The following MICU2 variants were observed in gnomAD, a reference collection of about 807,000 sequenced individuals.
MICU2 encodes the protein calcium uptake protein 2, mitochondrial.
In MICU2, 64 loss-of-function variants were observed where a neutral mutation model predicts 60.4. That is an observed-to-expected ratio of 1.06 (90% confidence interval 0.87 to 1.31). MICU2 has a LOEUF of 1.31. Among genes scored for constraint, MICU2 ranks in the 50% most tolerant of loss-of-function variants. MICU2 has a pLI of 0.00. For synonymous variants in MICU2, 201 were observed against 175.0 expected (o/e 1.15, Z -1.17); for missense variants, 569 against 531.0 (o/e 1.07, Z -0.70).
At chr13:21,601,376 A>G (rs1352841264) in intron 1 of MICU2, among the ~76,000 whole-genome samples, 1 of 152,200 alleles carries the variant, frequency 6.6e-6, no homozygotes, top group African/African-American at 2.4e-5. Flanking sequence ...TGCTGAAAGG[A>G]ATGTCCACCG....
intron 4 of MICU2, among the ~76,000 whole-genome samples, chr13:21,537,063 C>CT (rs1887146912): frequency 6.6e-6 from 1 of 152,158 alleles, no homozygotes; most frequent in Non-Finnish European, 1.5e-5. Context: ...TCTCTCTAGG[C>CT]TTTTTTCTAT....
chr13:21,527,047 C>CT (rs1566148145), intron 4 of MICU2, among the ~76,000 whole-genome samples: 1 of 152,118 alleles, frequency 6.6e-6, no homozygotes, highest in African/African-American at 2.4e-5. Flanking sequence ...CAATGGCTTC[C>CT]TTTTTTTGAA....
chr13:21,579,206 T>C (rs1888291093), intron 1 of MICU2, among the ~76,000 whole-genome samples: 1 of 152,172 alleles, frequency 6.6e-6, no homozygotes, highest in Admixed American at 6.5e-5. Flanking sequence ...ATACATGCAA[T>C]TCATATTTCT....
Position 21,566,912 on chromosome 13 carries a change from C to T in MICU2, c.243G>A (p.Gly81=), listed in dbSNP as rs758822979. The T allele has an allele frequency of 1.1e-5, 17 of 1,602,996 alleles. No individual in the cohort carries two copies. The highest frequency in any genetic ancestry group is 1.4e-5 in the Non-Finnish European group (17 of 1,177,304). Residue 81 remains glycine, a synonymous_variant, in exon 2 of 12, where the codon GGG becomes GGA. Coordinates refer to ENST00000382374, the MANE Select transcript of MICU2 (RefSeq NM_152726.3). ...KNVEHGIIYI[G]KPSLRKQRFM... ...AGCGCTGCTTACGAAGAGACGGTTT[C>T]CCAATATATATTATTCCATGTTCAA...
At chr13:21,504,566 T>A (rs1886249606) in intron 8 of MICU2, among the ~76,000 whole-genome samples, 1 of 152,228 alleles carries the variant, frequency 6.6e-6, no homozygotes. Flanking sequence ...TATCTTGTTA[T>A]AACATGAAAC....
intron 2 of MICU2, among the ~76,000 whole-genome samples, chr13:21,563,944 A>G (rs1169798495): frequency 6.6e-6 from 1 of 152,066 alleles, no homozygotes; most frequent in Non-Finnish European, 1.5e-5. Flanking sequence ...CTAGGACTAC[A>G]GGTGTGTGCC....
rs563490750 is a variant in MICU2 at position 21,528,964 on chromosome 13, T to C, written c.467-6314A>G. Among the ~76,000 whole-genome samples the C allele has an allele frequency of 3.8e-4, 57 of 151,856 alleles. 1 individual carries two copies. In the South Asian group the frequency reaches 0.012, roughly 32 times the overall value. ...AAAGGGAAGAGCGTGTGCAAAAGTA[T>C]GAAAGCGTAAAAAGACGTGGCACAC... On this transcript the variant is annotated intron_variant, in intron 4 of 11. Transcript: ENST00000382374.
At chr13:21,562,876 T>G (rs576405429) in intron 2 of MICU2, among the ~76,000 whole-genome samples, 1 of 152,340 alleles carries the variant, frequency 6.6e-6, no homozygotes, top group African/African-American at 2.4e-5. Context: ...GATATATCGT[T>G]TTCCTTCTTT....
At chr13:21,523,807 T>C (rs1435596848) in intron 4 of MICU2, among the ~76,000 whole-genome samples, 1 of 152,246 alleles carries the variant, frequency 6.6e-6, no homozygotes, top group Non-Finnish European at 1.5e-5. Flanking sequence ...GCTGGATCAC[T>C]GACTTTCACA....
intron 4 of MICU2, among the ~76,000 whole-genome samples, chr13:21,535,967 T>C (rs980908260): frequency 1.3e-5 from 2 of 152,210 alleles, no homozygotes; most frequent in South Asian, 2.1e-4. Context: ...TGAATTTAAG[T>C]CTGTCAACTT....
chr13:21,590,447 G>A (rs982268803), intron 1 of MICU2, among the ~76,000 whole-genome samples: 1 of 152,116 alleles, frequency 6.6e-6, no homozygotes, highest in African/African-American at 2.4e-5. Flanking sequence ...AAAGAAGCAC[G>A]ATATCAAATA....
At chr13:21,556,165 T>C (rs906663897) in intron 2 of MICU2, among the ~76,000 whole-genome samples, 38 of 152,146 alleles carry the variant, frequency 2.5e-4, no homozygotes, top group African/African-American at 8.4e-4. Flanking sequence ...TTTACACCAA[T>C]GCACCAAAAC....
At chr13:21,600,578 T>C (rs1384985592) in intron 1 of MICU2, among the ~76,000 whole-genome samples, 2 of 152,092 alleles carry the variant, frequency 1.3e-5, no homozygotes, top group Admixed American at 6.5e-5. Context: ...ATTTCAAAAC[T>C]TGTGAAAGGA....
chr13:21,493,451 C>G, intron 11 of MICU2, 98 bp from the exon 12 acceptor site: 1 of 781,842 alleles, frequency 1.3e-6, no homozygotes, highest in Non-Finnish European at 2.0e-6. Flanking sequence ...TCCCACACTC[C>G]TCCAAAAATA....
At chr13:21,495,351 A>G (rs1167451423) in intron 10 of MICU2, 33 bp from the exon 11 acceptor site, 1 of 1,512,758 alleles carries the variant, frequency 6.6e-7, no homozygotes, top group South Asian at 1.4e-5. Flanking sequence ...CTTATCAACT[A>G]TGTGAAATAG....
rs1888002125 is a variant in MICU2 at position 21,567,052 on chromosome 13, A to G, written c.211-108T>C. The G allele has an allele frequency of 5.6e-6, 5 of 895,432 alleles. No individual in the cohort carries two copies. The South Asian group carries it at 6.2e-5, about 11-fold the overall frequency. 55.5% of individuals were successfully genotyped at this position (895,432 alleles called of 1,614,324 possible). A position where few individuals can be genotyped will look rare whatever the true frequency, so the allele number is the denominator to read the frequency against. ...TCACGCTTGGATCTGACAATCCCCA[A>G]ACTTTTAAAATCATTCATTTAACAA... On this transcript the variant is annotated intron_variant, in intron 1 of 11. Coordinates refer to ENST00000382374, the MANE Select transcript of MICU2 (RefSeq NM_152726.3).
chr13:21,496,014 T>C lies in MICU2; in HGVS notation c.1042+38A>G, dbSNP rs576743875. On this transcript the variant is annotated intron_variant, in intron 10 of 11. Transcript: ENST00000382374. The stretch of plus-strand genomic sequence containing the variant: ...TTGAAGAATATAGTAAAACTGTTTA[T>C]AGATGATAAAAATTAAATGGTTTTT... 4.5e-4 allele frequency: 645 copies of C among 1,432,332 alleles called. 8 individuals carry two copies. In the South Asian group the frequency reaches 7.1e-3, roughly 16 times the overall value. 88.7% of individuals were successfully genotyped at this position (1,432,332 alleles called of 1,614,324 possible).
chr13:21,556,137 T>G (rs1350045836), intron 2 of MICU2, among the ~76,000 whole-genome samples: 3 of 152,054 alleles, frequency 2.0e-5, no homozygotes, highest in Non-Finnish European at 4.4e-5. Flanking sequence ...CTAAACCCAC[T>G]CTAGTCAGGC....
At chr13:21,558,435 GC>G (rs1460873943) in intron 2 of MICU2, among the ~76,000 whole-genome samples, 2 of 152,210 alleles carry the variant, frequency 1.3e-5, no homozygotes, top group African/African-American at 2.4e-5. Context: ...CCGCAAAGCA[GC>G]CAGCCTACAG....
Sources: allele counts gnomAD v4.1 joint callset (sites outside exome capture counted in the v4.1 genomes callset), GRCh38; gene constraint gnomAD v4.1.1; transcripts MANE v1.5; gene names NCBI Gene and HGNC (gene_info 2026-07-23, HGNC 2026-07-21).